ULK1: variants seen among roughly 807,000 people sequenced by gnomAD.
The protein encoded by ULK1 is unc-51 like autophagy activating kinase 1.
In ULK1, 48 loss-of-function variants were observed where a neutral mutation model predicts 117.5. That is an observed-to-expected ratio of 0.41 (90% CI 0.32 to 0.52). ULK1 has a LOEUF of 0.52. Ranked by LOEUF, ULK1 falls within the 20% of genes least tolerant of loss-of-function variation. The probability of loss-of-function intolerance (pLI) is 0.29; values close to 1 mark genes in which losing one functional copy is unlikely to be tolerated. For missense variants in ULK1, 1,387 were observed against 1,473.4 expected, an observed-to-expected ratio of 0.94 and a Z score of 0.96; for synonymous variants, 790 against 637.8, an observed-to-expected ratio of 1.24 and a Z score of -3.60.
chr12:131,896,220 G>C (rs927506982), intron 3 of ULK1, among the ~76,000 whole-genome samples: 8 of 152,058 alleles, frequency 5.3e-5, no homozygotes, highest in African/African-American at 1.9e-4. Flanking sequence ...GGCCGGCCTC[G>C]CTCTGCGTCA....
intron 3 of ULK1, among the ~76,000 whole-genome samples, chr12:131,906,187 G>A (rs549826696): frequency 5.3e-5 from 8 of 152,010 alleles, no homozygotes; most frequent in South Asian, 2.1e-4. Flanking sequence ...TTCTCCTCCC[G>A]GGTTCAAGTG....
intron 13 of ULK1, 145 bp from the exon 14 acceptor site, chr12:131,913,053 G>A: frequency 2.9e-6 from 2 of 688,438 alleles, no homozygotes; most frequent in South Asian, 2.4e-5. Context: ...TACCACCCAG[G>A]CTCTGCCCCC....
chr12:131,910,851 AGGG>A (rs771680318), intron 12 of ULK1, 51 bp downstream of exon 12: 2 of 1,607,428 alleles, frequency 1.2e-6, no homozygotes, highest in Non-Finnish European at 1.7e-6. Context: ...CTCAGCAGTC[AGGG>A]GCTCCAGCCC....
chr12:131,900,991 C>T (rs1230973020), intron 3 of ULK1, among the ~76,000 whole-genome samples: 1 of 150,324 alleles, frequency 6.7e-6, no homozygotes, highest in Non-Finnish European at 1.5e-5. Context: ...TGTGAAGGGG[C>T]TCCCAGGGCC....
chr12:131,902,699 G>C lies in ULK1; in HGVS notation c.247-4193G>C, dbSNP rs933457174. Among the ~76,000 whole-genome samples, 12 of 152,154 alleles carry C rather than the reference G, an allele frequency of 7.9e-5. No homozygotes were observed. Among genetic ancestry groups the C allele is most frequent in the South Asian group, 6.2e-4 (3 of 4,828 alleles). ...GGGACCCACCTCCCGGGGTGGGGGT[G>C]ATGGTGCAGGGAGCCTGGTGTGTTT... On this transcript the variant is annotated intron_variant, in intron 3 of 27. Transcript: ENST00000321867. The surrounding 1 kb of genome is among the most constrained non-coding windows in gnomAD (Gnocchi z 6.3).
chr12:131,905,138 G>T (rs936801046), intron 3 of ULK1, among the ~76,000 whole-genome samples: 4 of 152,170 alleles, frequency 2.6e-5, no homozygotes, highest in African/African-American at 9.7e-5. Flanking sequence ...GGCCGGCCCT[G>T]CAGTGTCTGT....
chr12:131,901,205 A>G (rs1180082773), intron 3 of ULK1, among the ~76,000 whole-genome samples: 1 of 151,966 alleles, frequency 6.6e-6, no homozygotes, highest in Non-Finnish European at 1.5e-5. Context: ...CTAAAAGTAC[A>G]AAAATTAGCT....
intron 26 of ULK1, chr12:131,920,501 G>A (rs1566131139): frequency 2.6e-5 from 7 of 266,792 alleles, no homozygotes; most frequent in South Asian, 2.1e-4. Context: ...TGGTACCACG[G>A]GCAAAGACTC....
intron 3 of ULK1, among the ~76,000 whole-genome samples, chr12:131,901,423 T>C (rs1326171968): frequency 2.0e-5 from 3 of 151,522 alleles, no homozygotes; most frequent in East Asian, 3.9e-4. Flanking sequence ...TGAGAAGATA[T>C]ACCACAACAG....
intron 20 of ULK1, 54 bp downstream of exon 20, chr12:131,916,645 C>G: frequency 1.4e-6 from 2 of 1,459,788 alleles, no homozygotes; most frequent in Admixed American, 5.3e-5. Context: ...CCTCTTTCCC[C>G]TGCATTGTTC....
Position 131,917,461 on chromosome 12 carries a change from G to C in ULK1, c.2233G>C (p.Gly745Arg). 6.5e-7 allele frequency: 1 copy of C among 1,530,988 alleles called. No individual in the cohort carries two copies. Among genetic ancestry groups the C allele is most frequent in the South Asian group, 1.2e-5 (1 of 81,384 alleles). 94.8% of individuals were successfully genotyped at this position (1,530,988 alleles called of 1,614,324 possible). ...CCTGCACCCAGGAGCCCGTGCTGGG[G>C]GCACCAGCAGCCCTTCCCCGGTGGT... ...GSLHPGARAGGTSSPSPVVFT... is the reference protein window; with the variant it reads ...GSLHPGARAGRTSSPSPVVFT... Residue 745 changes from glycine to arginine, a missense_variant, in exon 22 of 28, where the codon GGC becomes CGC. Around this residue, in one of 4 missense-constraint regions of ULK1, gnomAD observed 900 missense variants for 858.9 expected, o/e 1.05. Coordinates refer to ENST00000321867, the MANE Select transcript of ULK1 (RefSeq NM_003565.4).
intron 12 of ULK1, among the ~76,000 whole-genome samples, chr12:131,911,246 C>T (rs927143378): frequency 4.6e-5 from 7 of 152,314 alleles, no homozygotes; most frequent in African/African-American, 1.7e-4. Context: ...TCCCTCTGTC[C>T]ATCTGACTGG....
rs769233479 is a variant in ULK1 at position 131,915,895 on chromosome 12, C to T, written c.1614C>T (p.Ser538=). 6.8e-5 allele frequency: 110 copies of T among 1,610,450 alleles called. No individual in the cohort carries two copies. Among genetic ancestry groups the T allele is most frequent in the Non-Finnish European group, 7.8e-5 (92 of 1,179,818 alleles). The change falls in exon 19 of 28, where the codon TCC becomes TCT. Residue 538 remains serine, a synonymous_variant. Coordinates refer to ENST00000321867, the MANE Select transcript of ULK1 (RefSeq NM_003565.4). ...ACGAGGCGTGTCTCTCTCTAGGCTC[C>T]TCTGCACCCGAGCACTCTCCCCGCA... ...MRGGRSPRPG[S]SAPEHSPRTS...
intron 3 of ULK1, among the ~76,000 whole-genome samples, chr12:131,901,144 A>C (rs1889069999): frequency 6.6e-6 from 1 of 151,406 alleles, no homozygotes; most frequent in South Asian, 2.1e-4. Context: ...AGATCACCTG[A>C]GGTCAGGAGT....
Position 131,902,351 on chromosome 12 carries a change from C to G in ULK1, c.247-4541C>G, listed in dbSNP as rs1889123283. 1.3e-5 allele frequency among the ~76,000 whole-genome samples: 2 copies of G among 152,174 alleles called. No individual in the cohort carries two copies. The highest frequency in any genetic ancestry group is 4.1e-4 in the South Asian group (2 of 4,834). On this transcript the variant is annotated intron_variant, in intron 3 of 27. Transcript: ENST00000321867. This position sits in a 1 kb window ranked among gnomAD's most constrained non-coding sequence, Gnocchi z 6.3. ...GAGTAGGGCTGGCAGAGGGTGGGAGCCTGGATCCTATTAAGTAAAGCACCT... is the reference window on the plus strand; with the variant it reads ...GAGTAGGGCTGGCAGAGGGTGGGAGGCTGGATCCTATTAAGTAAAGCACCT...
At position 131,916,472 on chromosome 12, in the gene ULK1, G is replaced by T. The variant is rs758149762; in HGVS notation, c.1953G>T (p.Val651=). Reference sequence around the variant, plus strand: ...TGGCCCTCCTAGCCCGGCAGGGCGTGGTGATGACGCCCCCTCGAAACCGGA... The same window carrying T: ...TGGCCCTCCTAGCCCGGCAGGGCGTTGTGATGACGCCCCCTCGAAACCGGA... ...NLLALLARQG[V]VMTPPRNRTL... is the part of the protein sequence containing the mutation. Residue 651 remains valine, a synonymous_variant, in exon 20 of 28, where the codon GTG becomes GTT. Transcript: ENST00000321867. The T allele has an allele frequency of 6.2e-7, 1 of 1,612,274 alleles. No homozygotes were observed. The highest frequency in any genetic ancestry group is 1.1e-5 in the South Asian group (1 of 91,060).
chr12:131,895,013 C>G lies in ULK1; in HGVS notation c.12C>G (p.Gly4=). The change falls in exon 1 of 28, where the codon GGC becomes GGG. Residue 4 remains glycine (G), a synonymous_variant. Transcript: ENST00000321867. The stretch of plus-strand genomic sequence containing the variant: ...GGCCCGCCTGCGCCATGGAGCCCGG[C>G]CGCGGCGGCACAGAGACCGTGGGCA... MEP[G]RGGTETVGKF... is the part of the protein sequence containing the mutation. 6.6e-7 allele frequency: 1 copy of G among 1,514,714 alleles called. No individual in the cohort carries two copies. The highest frequency in any genetic ancestry group is 8.8e-7 in the Non-Finnish European group (1 of 1,140,974). 93.8% of individuals were successfully genotyped at this position (1,514,714 alleles called of 1,614,324 possible).
chr12:131,910,291 C>G lies in ULK1; in HGVS notation c.846C>G (p.Pro282=). The G allele has an allele frequency of 6.2e-7, 1 of 1,613,830 alleles. No individual in the cohort carries two copies. Among genetic ancestry groups the G allele is most frequent in the Non-Finnish European group, 8.5e-7 (1 of 1,179,998 alleles). Residue 282 remains proline (P), a synonymous_variant, in exon 11 of 28, where the codon CCC becomes CCG. Coordinates refer to ENST00000321867, the MANE Select transcript of ULK1 (RefSeq NM_003565.4). ...ATCACCCTTTCCTCGATGCCAGCCC[C>G]TCGGTCAGGAAATGTGAGTTTCTGT... The part of the protein sequence containing the change: ...FFHHPFLDAS[P]SVRKSPPVPV...
chr12:131,904,062 G>A (rs547332291), intron 3 of ULK1, among the ~76,000 whole-genome samples: 2 of 152,190 alleles, frequency 1.3e-5, no homozygotes, highest in South Asian at 4.1e-4. Flanking sequence ...GCTAGAGTGT[G>A]GGCAGCAGAT....
Sources: allele counts gnomAD v4.1 joint callset (sites outside exome capture counted in the v4.1 genomes callset), GRCh38; gene constraint gnomAD v4.1.1; regional missense constraint gnomAD v4.1.1; non-coding constraint Gnocchi (gnomAD v3.1); transcripts MANE v1.5; gene names NCBI Gene and HGNC (gene_info 2026-07-23, HGNC 2026-07-21).